Variants in AK8 observed in about 807,000 individuals in gnomAD.
AK8 encodes the protein adenylate kinase 8, also known as ATP-AMP transphosphorylase 8.
AK8 carries 44 observed loss-of-function variants against 54.6 expected under a neutral mutation model. The observed-to-expected ratio is 0.81, with a 90% CI of 0.63 to 1.04. AK8 has a LOEUF of 1.04. AK8 is among the 50% of genes least tolerant of loss of function. The pLI is 0.00. For missense variants in AK8, 555 were observed against 613.6 expected, an observed-to-expected ratio of 0.90 and a Z score of 1.01; for synonymous variants, 239 against 245.6, an observed-to-expected ratio of 0.97 and a Z score of 0.25.
chr9:132,878,410 C>T (rs1205045232), upstream of AK8: 5 of 1,237,246 alleles, frequency 4.0e-6, no homozygotes, highest in African/African-American at 1.6e-5. The surrounding 1 kb of genome is among the most constrained non-coding windows in gnomAD (Gnocchi z 4.7). Context: ...GCCCCGACCT[C>T]CCCGGCTGAC....
intron 2 of AK8, 41 bp from the exon 3 acceptor site, chr9:132,866,994 C>A: frequency 2.5e-6 from 4 of 1,593,768 alleles, no homozygotes; most frequent in Non-Finnish European, 3.4e-6. Context: ...CTCAACATGA[C>A]AAGCAGCCTC....
chr9:132,772,606 C>T (rs1356159208), intron 11 of AK8, among the ~76,000 whole-genome samples: 3 of 152,224 alleles, frequency 2.0e-5, no homozygotes, highest in Non-Finnish European at 4.4e-5. Flanking sequence ...ATCTATGGTA[C>T]ATTGCTGTGG....
intron 5 of AK8, among the ~76,000 whole-genome samples, chr9:132,851,579 T>C (rs1181027427): frequency 1.3e-5 from 2 of 152,240 alleles, no homozygotes; most frequent in African/African-American, 4.8e-5. Flanking sequence ...GGCCTGACCC[T>C]AAACGGCATT....
intron 11 of AK8, among the ~76,000 whole-genome samples, chr9:132,731,382 C>T (rs765036239): frequency 6.6e-6 from 1 of 151,964 alleles, no homozygotes; most frequent in Non-Finnish European, 1.5e-5. Flanking sequence ...TTCTTTTGGG[C>T]GTGTCTGTGC....
intron 5 of AK8, among the ~76,000 whole-genome samples, chr9:132,849,970 C>T (rs1447718465): frequency 6.6e-6 from 1 of 151,914 alleles, no homozygotes; most frequent in Non-Finnish European, 1.5e-5. Context: ...TGGTCTTGAA[C>T]TCCTGGACTT....
At chr9:132,871,182 C>T (rs1843812442) in intron 2 of AK8, among the ~76,000 whole-genome samples, 2 of 152,076 alleles carry the variant, frequency 1.3e-5, no homozygotes, top group South Asian at 2.1e-4. Flanking sequence ...GGAGGCGGAG[C>T]TTGCAGTGAG....
At chr9:132,729,531 A>T (rs991534150) in intron 11 of AK8, among the ~76,000 whole-genome samples, 1 of 152,224 alleles carries the variant, frequency 6.6e-6, no homozygotes, top group East Asian at 1.9e-4. Flanking sequence ...GTTCATTTTT[A>T]AAAAATAACT....
intron 3 of AK8, among the ~76,000 whole-genome samples, chr9:132,864,671 C>T (rs1843519199): frequency 6.6e-6 from 1 of 152,184 alleles, no homozygotes; most frequent in African/African-American, 2.4e-5. Context: ...AGCAATTCAC[C>T]AAAAGGCTTG....
At chr9:132,865,051 T>A in intron 3 of AK8, among the ~76,000 whole-genome samples, 1 of 152,162 alleles carries the variant, frequency 6.6e-6, no homozygotes, top group East Asian at 1.9e-4. Flanking sequence ...ATGAGGTTGG[T>A]CTGCAGGGGA....
intron 11 of AK8, among the ~76,000 whole-genome samples, chr9:132,777,928 C>T (rs1046053779): frequency 6.6e-5 from 10 of 152,248 alleles, no homozygotes; most frequent in Non-Finnish European, 1.2e-4. Context: ...GGCCATTCCA[C>T]CAAAGCTGCC....
chr9:132,744,208 G>A (rs1363076992), intron 11 of AK8, among the ~76,000 whole-genome samples: 2 of 152,126 alleles, frequency 1.3e-5, no homozygotes, highest in African/African-American at 4.8e-5. Context: ...AAATTCCACA[G>A]ATTCCAAAAG....
At chr9:132,751,154 C>T (rs1367211727) in intron 11 of AK8, among the ~76,000 whole-genome samples, 1 of 151,866 alleles carries the variant, frequency 6.6e-6, no homozygotes, top group Non-Finnish European at 1.5e-5. Context: ...GAGGCCAAGG[C>T]AGGCCGATCA....
chr9:132,756,810 C>G (rs1838209259), intron 11 of AK8, among the ~76,000 whole-genome samples: 1 of 152,062 alleles, frequency 6.6e-6, no homozygotes, highest in Non-Finnish European at 1.5e-5. Context: ...AATTCCGCAC[C>G]CCCATAAAAC....
At chr9:132,838,122 G>A (rs1303058570) in intron 5 of AK8, among the ~76,000 whole-genome samples, 1 of 152,156 alleles carries the variant, frequency 6.6e-6, no homozygotes, top group Non-Finnish European at 1.5e-5. Context: ...ACACCACAAG[G>A]AGAAATAAAA....
intron 4 of AK8, among the ~76,000 whole-genome samples, chr9:132,857,820 C>A (rs146033012): frequency 6.6e-6 from 1 of 152,170 alleles, no homozygotes; most frequent in Admixed American, 6.5e-5. Context: ...CGGCTTTGAG[C>A]GCAGCTACTC....
At chr9:132,727,367 A>T in intron 12 of AK8, 87 bp downstream of exon 12, 1 of 1,221,742 alleles carries the variant, frequency 8.2e-7, no homozygotes, top group Non-Finnish European at 1.2e-6. Context: ...TTATCCCTGC[A>T]GTGTTTCCAC....
intron 11 of AK8, among the ~76,000 whole-genome samples, chr9:132,744,573 T>C (rs939573586): frequency 6.6e-6 from 1 of 152,196 alleles, no homozygotes; most frequent in Non-Finnish European, 1.5e-5. Context: ...CCTTTAGCCC[T>C]CTAATCTAAT....
chr9:132,754,791 TG>T (rs1401483609), intron 11 of AK8, among the ~76,000 whole-genome samples: 1 of 151,482 alleles, frequency 6.6e-6, no homozygotes, highest in African/African-American at 2.4e-5. Flanking sequence ...CACTGATTTT[TG>T]TTTTTTGGTT....
At chr9:132,853,031 T>A (rs1843030348) in intron 5 of AK8, among the ~76,000 whole-genome samples, 1 of 151,650 alleles carries the variant, frequency 6.6e-6, no homozygotes, top group African/African-American at 2.4e-5. Context: ...CCAAAGAAAT[T>A]CATCCCAGAC....
Sources: allele counts gnomAD v4.1 joint callset (sites outside exome capture counted in the v4.1 genomes callset), GRCh38; gene constraint gnomAD v4.1.1; non-coding constraint Gnocchi (gnomAD v3.1); transcripts MANE v1.5; gene names NCBI Gene and HGNC (gene_info 2026-07-23, HGNC 2026-07-21).